The following UTY variants were observed in gnomAD, a reference collection of about 807,000 sequenced individuals.
UTY encodes ubiquitously transcribed tetratricopeptide repeat containing, Y-linked.
In UTY, 12 loss-of-function variants were observed where a neutral mutation model predicts 32.5. The observed-to-expected ratio is 0.37, with a 90% CI of 0.24 to 0.60. UTY has a LOEUF of 0.60. Among genes scored for constraint, UTY ranks in the 20% least tolerant of loss-of-function variants. UTY has a pLI of 0.69. For synonymous variants in UTY, 131 were observed against 103.4 expected (o/e 1.27, Z -1.62); for missense variants, 303 against 299.2 (o/e 1.01, Z -0.09).
chrY:13,266,287 T>C, intron 27 of UTY, among the ~76,000 whole-genome samples: 3 of 33,294 alleles, frequency 9.0e-5, no homozygotes, highest in Non-Finnish European at 1.5e-4. Context: ...CTAGATTTTC[T>C]AGTTTATTTG....
chrY:13,238,016 C>A (rs2053866817), intron 28 of UTY, among the ~76,000 whole-genome samples: 3 of 33,836 alleles, frequency 8.9e-5, no homozygotes, highest in Admixed American at 7.8e-4. Flanking sequence ...AAGCTGCTAT[C>A]ACTGAAACCA....
intron 17 of UTY, among the ~76,000 whole-genome samples, chrY:13,342,719 G>C (rs1603424653): frequency 5.8e-5 from 2 of 34,448 alleles, no homozygotes; most frequent in Non-Finnish European, 1.5e-4. Context: ...TCAAGGTACA[G>C]AAAAGCCTCC....
At chrY:13,419,084 C>A (rs2149730857) in intron 4 of UTY, among the ~76,000 whole-genome samples, 1 of 33,245 alleles carries the variant, frequency 3.0e-5, no homozygotes, top group Non-Finnish European at 7.4e-5. Flanking sequence ...ACCACCATCA[C>A]CTCAGTCACA....
intron 5 of UTY, among the ~76,000 whole-genome samples, chrY:13,412,998 A>C: frequency 3.0e-5 from 1 of 33,312 alleles, no homozygotes; most frequent in Non-Finnish European, 7.4e-5. Context: ...AGTTACAGGT[A>C]GAGTCTGTGA....
intron 9 of UTY, among the ~76,000 whole-genome samples, chrY:13,368,443 A>C: frequency 1.0e-4 from 3 of 28,983 alleles, no homozygotes; most frequent in Admixed American, 9.3e-4. Flanking sequence ...GCAGTGGCGC[A>C]ATCTCGGCTG....
At chrY:13,272,013 T>C in intron 27 of UTY, among the ~76,000 whole-genome samples, 1 of 33,773 alleles carries the variant, frequency 3.0e-5, no homozygotes, top group Admixed American at 2.7e-4. Context: ...GATTCTTCCT[T>C]ACAATTGCTT....
At chrY:13,272,931 G>C in intron 27 of UTY, among the ~76,000 whole-genome samples, 1 of 33,358 alleles carries the variant, frequency 3.0e-5, no homozygotes, top group African/African-American at 1.2e-4. Context: ...CTACTAGTTT[G>C]TGTATTTTTA....
chrY:13,390,476 C>T (rs906245450), intron 8 of UTY, among the ~76,000 whole-genome samples: 2 of 33,301 alleles, frequency 6.0e-5, no homozygotes, highest in Non-Finnish European at 1.5e-4. Flanking sequence ...TTGTCAAATG[C>T]TTTTAATCCA....
intron 4 of UTY, among the ~76,000 whole-genome samples, chrY:13,431,189 A>T (rs2073979166): frequency 3.0e-5 from 1 of 33,034 alleles, no homozygotes; most frequent in African/African-American, 1.2e-4. Flanking sequence ...ATAATCTACC[A>T]AGATTAAATC....
chrY:13,415,901 T>C, intron 4 of UTY, among the ~76,000 whole-genome samples: 1 of 34,105 alleles, frequency 2.9e-5, no homozygotes, highest in Non-Finnish European at 7.3e-5. Context: ...TGTATTTTGA[T>C]GAAAAATTTA....
intron 27 of UTY, among the ~76,000 whole-genome samples, chrY:13,289,642 A>G (rs2057641835): frequency 3.0e-5 from 1 of 33,816 alleles, no homozygotes; most frequent in African/African-American, 1.2e-4. Flanking sequence ...TAGCTTGCCA[A>G]TACTCCCAGC....
At position 13,305,473 on chromosome Y, in the gene UTY, G is replaced by A; in HGVS notation, c.3491C>T (p.Thr1164Ile). The A allele has an allele frequency of 2.5e-6, 1 of 395,458 alleles. No individual in the cohort carries two copies. The highest frequency in any genetic ancestry group is 3.5e-6 in the Non-Finnish European group (1 of 281,769). The stretch of plus-strand genomic sequence containing the variant: ...GCCCAGAATGGTATGCCCAACATGG[G>A]TTAGAAGATTTCCTGCTGACACCAC... ...ARVVSAGNLL[T>I]HVGHTILGMN... The change falls in exon 24 of 30, where the codon ACC becomes ATC. Residue 1164 changes from threonine to isoleucine, a missense_variant. By Grantham distance (89) the Thr-to-Ile change is moderately conservative. Transcript: ENST00000545955.
At chrY:13,474,719 G>A in intron 2 of UTY, among the ~76,000 whole-genome samples, 1 of 33,920 alleles carries the variant, frequency 2.9e-5, no homozygotes, top group Admixed American at 2.7e-4. Flanking sequence ...AAGAGGGCAA[G>A]AGTGTCCATC....
intron 28 of UTY, among the ~76,000 whole-genome samples, chrY:13,257,421 A>G: frequency 8.9e-5 from 3 of 33,885 alleles, no homozygotes; most frequent in African/African-American, 3.5e-4. Context: ...TCCCTAAAAC[A>G]GCAGTTGCAA....
chrY:13,285,209 T>C lies in UTY; in HGVS notation c.4010+12498A>G, dbSNP rs769119474. Among the ~76,000 whole-genome samples, 7 of 33,779 alleles carry C rather than the reference T, an allele frequency of 2.1e-4. No homozygotes were observed. The South Asian group carries it at 4.6e-3, about 22-fold the overall frequency. 90.6% of individuals were successfully genotyped at this position (33,779 alleles called of 37,273 possible). ...AACCCTCAGTGGATGTGTAGTGATA[T>C]TGTGGTGGACCTTTACTGGGCACTC... On this transcript the variant is annotated intron_variant, in intron 27 of 29. Transcript: ENST00000545955.
At chrY:13,406,398 CT>C (rs2070026030) in intron 6 of UTY, among the ~76,000 whole-genome samples, 2 of 28,670 alleles carry the variant, frequency 7.0e-5, no homozygotes, top group African/African-American at 1.3e-4. Context: ...AAAACATGAC[CT>C]TTTTTTTTTG....
At chrY:13,269,670 C>G in intron 27 of UTY, among the ~76,000 whole-genome samples, 2 of 33,865 alleles carry the variant, frequency 5.9e-5, no homozygotes, top group African/African-American at 2.3e-4. Context: ...TGCTTGAAAC[C>G]CAGGGCCCTG....
intron 4 of UTY, among the ~76,000 whole-genome samples, chrY:13,444,740 G>A (rs2075505272): frequency 1.8e-4 from 6 of 33,620 alleles, no homozygotes; most frequent in African/African-American, 7.0e-4. Context: ...CTAAGGGACA[G>A]AACAATTAGG....
chrY:13,446,606 ATAGATAG>A (rs2075845187), intron 4 of UTY, among the ~76,000 whole-genome samples: 1 of 27,923 alleles, frequency 3.6e-5, no homozygotes, highest in Non-Finnish European at 8.3e-5. Context: ...AGATAGATAG[ATAGATAG>A]ATAGATAGAC....
Sources: gnomAD v4.1 joint callset for allele counts (sites outside exome capture counted in the v4.1 genomes callset) on GRCh38, gnomAD v4.1.1 for gene constraint, MANE v1.5 for transcripts, NCBI Gene and HGNC (gene_info 2026-07-23, HGNC 2026-07-21) for gene names.